ASPSCR1: variants seen among roughly 807,000 people sequenced by gnomAD.
ASPSCR1 encodes the protein ASPSCR1 tether for SLC2A4, UBX domain containing.
A neutral mutation model predicts 68.9 loss-of-function variants in ASPSCR1; 55 were observed. The observed-to-expected ratio is 0.80, with a 90% CI of 0.64 to 1.00. The LOEUF (loss-of-function observed/expected upper bound fraction) is 1.00, where lower values mean the gene tolerates loss of function less well. Among genes scored for constraint, ASPSCR1 ranks in the 50% least tolerant of loss-of-function variants. ASPSCR1 has a pLI of 0.00. For synonymous variants in ASPSCR1, 352 were observed against 332.6 expected, an observed-to-expected ratio of 1.06 and a Z score of -0.63; for missense variants, 765 against 762.2, an observed-to-expected ratio of 1.00 and a Z score of -0.04.
At chr17:82,000,267 C>T (rs965851550) in intron 7 of ASPSCR1, among the ~76,000 whole-genome samples, 2 of 152,240 alleles carry the variant, frequency 1.3e-5, no homozygotes, top group Non-Finnish European at 2.9e-5. Context: ...ATGGGGCTCG[C>T]AGCCCAGAGT....
intron 7 of ASPSCR1, among the ~76,000 whole-genome samples, chr17:82,001,027 TC>T (rs1183853675): frequency 6.6e-6 from 1 of 152,220 alleles, no homozygotes; most frequent in Non-Finnish European, 1.5e-5. Context: ...TGAACCTTGC[TC>T]CTGGAGCCGG....
intron 12 of ASPSCR1, chr17:82,015,753 C>T (rs2043103156): frequency 1.6e-5 from 4 of 245,952 alleles, no homozygotes; most frequent in Non-Finnish European, 3.2e-5. Context: ...ACCATGGCAG[C>T]TCCTGGCGCT....
intron 7 of ASPSCR1, among the ~76,000 whole-genome samples, chr17:81,998,209 G>A (rs1332510677): frequency 6.6e-6 from 1 of 152,176 alleles, no homozygotes; most frequent in African/African-American, 2.4e-5. Context: ...GGGCTCAAGC[G>A]ATCTTCTTAT....
rs1361180744 is a variant in ASPSCR1, at chr17:81,986,478, C to T, written c.374+871C>T. ...GTAATTGATGTGTATCAGTTTCTGT[C>T]GGTTAATGGTTTAAACGTTGTTCCT... On this transcript the variant is annotated intron_variant, in intron 4 of 15. Transcript: ENST00000306739. The surrounding 1 kb of genome is among the most constrained non-coding windows in gnomAD (Gnocchi z 5.2). Among the ~76,000 whole-genome samples the T allele has an allele frequency of 3.9e-5, 6 of 152,158 alleles. No individual in the cohort carries two copies. Among genetic ancestry groups the T allele is most frequent in the African/African-American group, 9.7e-5 (4 of 41,420 alleles).
At position 81,990,860 on chromosome 17, in the gene ASPSCR1, CAGG is replaced by C. The variant is rs2042139426; in HGVS notation, c.375-3957_375-3955del. 6.6e-6 allele frequency among the ~76,000 whole-genome samples: 1 copy of C among 152,114 alleles called. No individual in the cohort carries two copies. Among genetic ancestry groups the C allele is most frequent in the Non-Finnish European group, 1.5e-5 (1 of 68,002 alleles). On this transcript the variant is annotated intron_variant, in intron 4 of 15. Transcript: ENST00000306739. This position sits in a 1 kb window ranked among gnomAD's most constrained non-coding sequence, Gnocchi z 4.1. ...GTTTAGAGCCAGCAGGCACTAGCCC[CAGG>C]AGGTCATACTGTGACTCGGGGGATA... is the stretch of plus-strand genomic sequence containing the variant.
intron 3 of ASPSCR1, among the ~76,000 whole-genome samples, chr17:81,985,078 A>G (rs969278015): frequency 7.4e-6 from 1 of 135,526 alleles, no homozygotes; most frequent in African/African-American, 2.9e-5. Flanking sequence ...ACCTGTACAC[A>G]CACACCTACA....
chr17:82,001,521 C>G (rs2042530533), intron 7 of ASPSCR1, among the ~76,000 whole-genome samples: 1 of 152,184 alleles, frequency 6.6e-6, no homozygotes, highest in Non-Finnish European at 1.5e-5. Flanking sequence ...AGGTGGCTGG[C>G]TGAGTCCCGG....
At chr17:81,997,107 C>CTCCGGGATGAGGCCGTGTGGGA (rs2042373759) in intron 7 of ASPSCR1, among the ~76,000 whole-genome samples, 1 of 151,786 alleles carries the variant, frequency 6.6e-6, no homozygotes, top group Non-Finnish European at 1.5e-5. Context: ...GCCGTGTCCG[C>CTCCGGGATGAGGCCGTGTGGGA]TCCGGGATGA....
Position 81,996,746 on chromosome 17 carries a change from G to T in ASPSCR1, c.833G>T (p.Gly278Val). ...KLPKSLSSPG[G>V]PSKPKKSKSG... ...CCGAAGTCCCTCTCCAGCCCTGGAG[G>T]CCCCTCCAAGCCAAAGAAGTCCAAG... is the stretch of plus-strand genomic sequence containing the variant. The change falls in exon 7 of 16, where the codon GGC (glycine) becomes GTC (valine). Residue 278 changes from glycine to valine, a missense_variant. Gly to Val is a moderately radical substitution (Grantham distance 109). Transcript: ENST00000306739. The T allele has an allele frequency of 6.2e-7, 1 of 1,613,272 alleles. No individual in the cohort carries two copies. The highest frequency in any genetic ancestry group is 8.5e-7 in the Non-Finnish European group (1 of 1,179,950).
chr17:82,015,815 G>T (rs891837096), intron 12 of ASPSCR1: 1 of 203,328 alleles, frequency 4.9e-6, no homozygotes, highest in East Asian at 1.2e-4. Context: ...CCTCTCCAGG[G>T]CCACTCGGGC....
At chr17:82,011,638 C>G in intron 11 of ASPSCR1, 33 bp downstream of exon 11, 4 of 1,601,264 alleles carry the variant, frequency 2.5e-6, no homozygotes, top group Non-Finnish European at 3.4e-6. Context: ...ACTCCTGCCT[C>G]CAGTGCTCGG....
Position 81,999,613 on chromosome 17 carries a change from T to G in ASPSCR1, c.933+2767T>G, listed in dbSNP as rs1284723299. 3.2e-5 allele frequency among the ~76,000 whole-genome samples: 4 copies of G among 126,772 alleles called. No homozygotes were observed. Among genetic ancestry groups the G allele is most frequent in the Non-Finnish European group, 3.3e-5 (2 of 61,534 alleles). The allele number at this position is 126,772 out of a possible 152,430, so 83.2% of individuals were successfully genotyped here. ...CTGCACTCCAGCCCGGGTGACAGAG[T>G]GAAACTCCATCTCAAAAAAAAAAAA... On this transcript the variant is annotated intron_variant, in intron 7 of 15. Coordinates refer to ENST00000306739, the MANE Select transcript of ASPSCR1 (RefSeq NM_024083.4). This position sits in a 1 kb window ranked among gnomAD's most constrained non-coding sequence, Gnocchi z 4.4.
Position 81,985,588 on chromosome 17 carries a change from A to G in ASPSCR1, c.355A>G (p.Ser119Gly). ...CSGQTLWELL[S>G]HFPQIRECLQ... ...AGGCCAGACCCTCTGGGAGCTTCTC[A>G]GCCATTTTCCACAGATCAGGTGAGC... Residue 119 changes from serine (S) to glycine (G), a missense_variant, in exon 4 of 16, where the codon AGC becomes GGC. By Grantham distance (56) the Ser-to-Gly change is moderately conservative. Coordinates refer to ENST00000306739, the MANE Select transcript of ASPSCR1 (RefSeq NM_024083.4). 1.2e-6 allele frequency: 2 copies of G among 1,613,980 alleles called. No individual in the cohort carries two copies. The highest frequency in any genetic ancestry group is 1.1e-5 in the South Asian group (1 of 91,090).
chr17:81,984,074 A>G (rs2041883970), intron 3 of ASPSCR1, among the ~76,000 whole-genome samples: 1 of 151,816 alleles, frequency 6.6e-6, no homozygotes, highest in African/African-American at 2.4e-5. Context: ...GCTGGTCTGG[A>G]ACTGCTGACC....
At chr17:82,001,793 C>T (rs9912348) in intron 7 of ASPSCR1, among the ~76,000 whole-genome samples, 91,609 of 151,772 alleles carry the variant, frequency 0.6, 28,175 homozygotes, top group Non-Finnish European at 0.67. Context: ...CGGGCTCCCC[C>T]AGGAGCAGCC....
Position 81,985,383 on chromosome 17 carries a change from C to T in ASPSCR1, c.274-124C>T, listed in dbSNP as rs781228809. The T allele has an allele frequency of 4.8e-4, 465 of 960,866 alleles. 1 individual carries two copies. The highest frequency in any genetic ancestry group is 6.5e-4 in the Non-Finnish European group (417 of 637,272). 59.5% of individuals were successfully genotyped at this position (960,866 alleles called of 1,614,324 possible). Reference sequence around the variant, plus strand: ...GGAGGGTAGCCTTCTCCGTGGGGGTCAGCCTCTCCCTGGAGGCCAGGGCGG... The same window carrying T: ...GGAGGGTAGCCTTCTCCGTGGGGGTTAGCCTCTCCCTGGAGGCCAGGGCGG... On this transcript the variant is annotated intron_variant, in intron 3 of 15. Transcript: ENST00000306739.
intron 2 of ASPSCR1, 44 bp downstream of exon 2, chr17:81,979,283 G>T (rs1206719096): frequency 6.3e-7 from 1 of 1,592,362 alleles, no homozygotes; most frequent in Non-Finnish European, 8.6e-7. Context: ...GTATATCTGT[G>T]CCCCTGCCCC....
intron 4 of ASPSCR1, among the ~76,000 whole-genome samples, chr17:81,991,841 C>T (rs528321753): frequency 1.3e-5 from 2 of 152,364 alleles, no homozygotes; most frequent in African/African-American, 4.8e-5. Context: ...TGTTTGCGCC[C>T]GGCTTTGTCA....
intron 2 of ASPSCR1, among the ~76,000 whole-genome samples, chr17:81,981,905 AT>A (rs1399804504): frequency 6.6e-6 from 1 of 152,120 alleles, no homozygotes; most frequent in Non-Finnish European, 1.5e-5. Context: ...ACCTCAAGTG[AT>A]CCGCCCGTCT....
Sources: gnomAD v4.1 joint callset for allele counts (sites outside exome capture counted in the v4.1 genomes callset) on GRCh38, gnomAD v4.1.1 for gene constraint, Gnocchi (gnomAD v3.1) non-coding constraint, MANE v1.5 for transcripts, NCBI Gene and HGNC (gene_info 2026-07-23, HGNC 2026-07-21) for gene names.